TASP1: variants seen among roughly 807,000 people sequenced by gnomAD.
TASP1 encodes taspase 1, also known as threonine aspartase 1.
In TASP1, 16 loss-of-function variants were observed where a neutral mutation model predicts 56.6. The ratio of observed to expected loss-of-function variants is 0.28; its 90% CI spans 0.19 to 0.43. The LOEUF (loss-of-function observed/expected upper bound fraction) is 0.43. TASP1 is among the 20% of genes least tolerant of loss of function. The pLI is 1.00. For synonymous variants in TASP1, 179 were observed against 184.2 expected, an observed-to-expected ratio of 0.97 and a Z score of 0.23; for missense variants, 393 against 511.6, an observed-to-expected ratio of 0.77 and a Z score of 2.24.
chr20:13,428,733 A>AGTTTAAAGGG (rs2146140555), intron 12 of TASP1, among the ~76,000 whole-genome samples: 1 of 152,290 alleles, frequency 6.6e-6, no homozygotes, highest in South Asian at 2.1e-4. Flanking sequence ...GATCCCTTTA[A>AGTTTAAAGGG]ACTGCCTCAA....
At chr20:13,149,130 A>G in the TASP1 span, among the ~76,000 whole-genome samples, 1 of 151,580 alleles carries the variant, frequency 6.6e-6, no homozygotes, top group Non-Finnish European at 1.5e-5. Context: ...ACTTACGGAA[A>G]CTCTCCAGAG....
At chr20:13,320,493 A>C in the TASP1 span, among the ~76,000 whole-genome samples, 2 of 152,218 alleles carry the variant, frequency 1.3e-5, no homozygotes, top group Non-Finnish European at 2.9e-5. Flanking sequence ...GACAGATATT[A>C]GGTGGCTTTA....
chr20:13,201,926 TA>T, the TASP1 span, among the ~76,000 whole-genome samples: 1 of 152,022 alleles, frequency 6.6e-6, no homozygotes, highest in African/African-American at 2.4e-5. Flanking sequence ...GCTAATTTTT[TA>T]TATTTGTAGT....
intron 13 of TASP1, among the ~76,000 whole-genome samples, chr20:13,413,288 T>C (rs1349751623): frequency 6.6e-6 from 1 of 152,170 alleles, no homozygotes; most frequent in African/African-American, 2.4e-5. Flanking sequence ...GCAACATCTG[T>C]CCTGTTTCAT....
At chr20:13,588,477 T>C (rs2047404185) in intron 4 of TASP1, among the ~76,000 whole-genome samples, 1 of 152,154 alleles carries the variant, frequency 6.6e-6, no homozygotes, top group Non-Finnish European at 1.5e-5. Flanking sequence ...TTAGGAAGGT[T>C]GCAGGATATG....
chr20:13,618,651 T>C (rs991596530), intron 4 of TASP1, among the ~76,000 whole-genome samples: 8 of 152,096 alleles, frequency 5.3e-5, no homozygotes, highest in African/African-American at 1.7e-4. Flanking sequence ...TGGCCCAATA[T>C]AATCTCCCCT....
At chr20:13,368,541 G>A in the TASP1 span, 1 of 152,310 alleles carries the variant, frequency 6.6e-6, no homozygotes, top group South Asian at 2.1e-4. Context: ...GCTGCTCCAG[G>A]GAATGTCACT....
intron 4 of TASP1, among the ~76,000 whole-genome samples, chr20:13,615,903 A>G (rs542363550): frequency 6.6e-6 from 1 of 152,318 alleles, no homozygotes; most frequent in African/African-American, 2.4e-5. Flanking sequence ...CTTAAAATCA[A>G]AAGGTAGTCT....
intron 13 of TASP1, among the ~76,000 whole-genome samples, chr20:13,410,802 C>T (rs924604209): frequency 1.1e-4 from 17 of 152,030 alleles, no homozygotes; most frequent in African/African-American, 3.9e-4. Flanking sequence ...CAATTGTTTC[C>T]ATTCCTGTGA....
intron 8 of TASP1, among the ~76,000 whole-genome samples, chr20:13,540,520 G>A (rs765475675): frequency 2.0e-5 from 3 of 152,084 alleles, no homozygotes; most frequent in Non-Finnish European, 4.4e-5. Flanking sequence ...ATGGGTAAAC[G>A]AATCATGATA....
At chr20:13,501,622 T>C (rs531194411) in intron 10 of TASP1, among the ~76,000 whole-genome samples, 12 of 151,704 alleles carry the variant, frequency 7.9e-5, no homozygotes, top group Admixed American at 2.0e-4. Flanking sequence ...AACGAAAGAA[T>C]AGAAAACAAA....
At chr20:13,349,468 T>TGAA in the TASP1 span, among the ~76,000 whole-genome samples, 1 of 152,206 alleles carries the variant, frequency 6.6e-6, no homozygotes, top group South Asian at 2.1e-4. Flanking sequence ...TCCATTTCAC[T>TGAA]GGGAGAATAT....
chr20:13,353,732 GTCC>G, the TASP1 span, among the ~76,000 whole-genome samples: 2 of 152,116 alleles, frequency 1.3e-5, no homozygotes, highest in Non-Finnish European at 2.9e-5. Flanking sequence ...ACATTTGAAA[GTCC>G]TCCCACAGAG....
chr20:13,386,824 C>A (rs1253574136), downstream of TASP1, among the ~76,000 whole-genome samples: 1 of 152,148 alleles, frequency 6.6e-6, no homozygotes, highest in Admixed American at 6.5e-5. Flanking sequence ...AAAAAAAATT[C>A]TAACATATTG....
chr20:13,574,986 A>T (rs2046846879), intron 6 of TASP1, among the ~76,000 whole-genome samples: 1 of 152,186 alleles, frequency 6.6e-6, no homozygotes, highest in Non-Finnish European at 1.5e-5. Context: ...ACATCCAAAA[A>T]GCAAAAGGAA....
At chr20:13,327,459 C>A in the TASP1 span, among the ~76,000 whole-genome samples, 3 of 152,054 alleles carry the variant, frequency 2.0e-5, no homozygotes, top group African/African-American at 7.2e-5. Context: ...AAAAACTATT[C>A]TAAAATTCAT....
At chr20:13,342,946 T>C in the TASP1 span, among the ~76,000 whole-genome samples, 1 of 151,984 alleles carries the variant, frequency 6.6e-6, no homozygotes, top group Non-Finnish European at 1.5e-5. Context: ...GGCAGAGATA[T>C]AGGAAGGAAT....
chr20:13,517,727 G>A (rs1331158593), intron 10 of TASP1, among the ~76,000 whole-genome samples: 3 of 152,018 alleles, frequency 2.0e-5, no homozygotes, highest in Non-Finnish European at 4.4e-5. Context: ...ACATTGAACT[G>A]GTTTCTTAGA....
chr20:13,273,425 C>G, the TASP1 span, among the ~76,000 whole-genome samples: 1 of 151,724 alleles, frequency 6.6e-6, no homozygotes, highest in East Asian at 1.9e-4. Context: ...TTGAAGAGAC[C>G]AGGCCTCACT....
Sources: allele counts gnomAD v4.1 joint callset (sites outside exome capture counted in the v4.1 genomes callset), GRCh38; gene constraint gnomAD v4.1.1; transcripts MANE v1.5; gene names NCBI Gene and HGNC (gene_info 2026-07-23, HGNC 2026-07-21).